The following NBEA variants were observed in gnomAD, a reference collection of about 807,000 sequenced individuals.
NBEA encodes the protein neurobeachin, also known as lysosomal-trafficking regulator 2.
Under a neutral mutation model 343.4 loss-of-function variants are expected in NBEA, and 44 were observed. The observed-to-expected ratio is 0.13, with a 90% CI of 0.10 to 0.16. NBEA has a LOEUF of 0.16. NBEA is among the 10% of genes least tolerant of loss of function. The pLI is 1.00. For missense variants in NBEA, 2,555 were observed against 3,631.3 expected, an observed-to-expected ratio of 0.70 and a Z score of 7.62; for synonymous variants, 1,175 against 1,238.7, an observed-to-expected ratio of 0.95 and a Z score of 1.08.
intron 38 of NBEA, among the ~76,000 whole-genome samples, chr13:35,412,344 CTG>C (rs1236309496): frequency 6.6e-6 from 1 of 152,116 alleles, no homozygotes; most frequent in Non-Finnish European, 1.5e-5. Context: ...TAAATATAGA[CTG>C]TGTCTTTTCA....
chr13:35,214,880 G>A (rs1566470073), intron 33 of NBEA, among the ~76,000 whole-genome samples: 1 of 151,612 alleles, frequency 6.6e-6, no homozygotes, highest in African/African-American at 2.4e-5. Context: ...TCTGTGGTGA[G>A]GTAAAGGTTG....
At chr13:35,523,753 C>G (rs2152994090) in intron 41 of NBEA, among the ~76,000 whole-genome samples, 1 of 152,286 alleles carries the variant, frequency 6.6e-6, no homozygotes, top group South Asian at 2.1e-4. Flanking sequence ...TTTTCTCTCT[C>G]TTTTCAAAAA....
chr13:35,139,744 G>GTTTTTTTTTTT (rs36117821), intron 17 of NBEA, among the ~76,000 whole-genome samples: 8 of 61,116 alleles, frequency 1.3e-4, no homozygotes, highest in Admixed American at 6.1e-4. Context: ...GATGGATGGC[G>GTTTTTTTTTTT]TTTTTTTTTT....
intron 41 of NBEA, among the ~76,000 whole-genome samples, chr13:35,539,869 T>TCCTG (rs1190222963): frequency 8.2e-6 from 1 of 121,804 alleles, no homozygotes; most frequent in Non-Finnish European, 1.6e-5. Context: ...GGAGCCGAGA[T>TCCTG]CCTGCCACTG....
chr13:35,206,378 C>T (rs544892753), intron 31 of NBEA, among the ~76,000 whole-genome samples: 26 of 152,036 alleles, frequency 1.7e-4, no homozygotes, highest in Non-Finnish European at 3.7e-4. Context: ...AAATAAACAT[C>T]TTTGTGTCTG....
intron 1 of NBEA, among the ~76,000 whole-genome samples, chr13:34,953,946 C>T (rs2059418856): frequency 6.6e-6 from 1 of 152,224 alleles, no homozygotes; most frequent in Non-Finnish European, 1.5e-5. Context: ...AGGTTGTGCG[C>T]TCCTTATGAA....
chr13:35,470,707 G>A (rs959519378), intron 40 of NBEA, among the ~76,000 whole-genome samples: 1 of 152,200 alleles, frequency 6.6e-6, no homozygotes, highest in Non-Finnish European at 1.5e-5. Flanking sequence ...GGTTAAGGGA[G>A]CGGTTCGAAC....
intron 17 of NBEA, among the ~76,000 whole-genome samples, chr13:35,125,495 C>A (rs1271027442): frequency 6.6e-6 from 1 of 152,078 alleles, no homozygotes; most frequent in Non-Finnish European, 1.5e-5. Flanking sequence ...AGATATATCA[C>A]AAAGAATTAC....
chr13:34,950,473 C>A (rs1354599373), intron 1 of NBEA, among the ~76,000 whole-genome samples: 1 of 150,746 alleles, frequency 6.6e-6, no homozygotes, highest in Non-Finnish European at 1.5e-5. Context: ...CATTTGTGCC[C>A]CAATATTCTA....
chr13:35,453,160 T>C (rs2046390034), intron 40 of NBEA, among the ~76,000 whole-genome samples: 3 of 152,214 alleles, frequency 2.0e-5, no homozygotes, highest in Admixed American at 1.3e-4. Context: ...TGAAAGTCTC[T>C]AGTGATTTCT....
chr13:35,198,464 T>C (rs973672355), intron 31 of NBEA, among the ~76,000 whole-genome samples: 5 of 152,026 alleles, frequency 3.3e-5, no homozygotes, highest in African/African-American at 1.2e-4. Context: ...TTAGAATGAG[T>C]TTTTTAATTA....
At chr13:35,037,209 G>T (rs1452275738) in intron 1 of NBEA, among the ~76,000 whole-genome samples, 1 of 152,022 alleles carries the variant, frequency 6.6e-6, no homozygotes, top group Non-Finnish European at 1.5e-5. Context: ...TATGCCAATT[G>T]CATTTTTGAA....
chr13:35,614,847 G>A (rs1448663759), intron 48 of NBEA, among the ~76,000 whole-genome samples: 1 of 152,010 alleles, frequency 6.6e-6, no homozygotes, highest in Admixed American at 6.6e-5. Context: ...AAATCAGAAT[G>A]GATACCCTAA....
chr13:35,672,253 G>A lies in NBEA; in HGVS notation c.*1262G>A, dbSNP rs1208364165. On this transcript the variant is annotated 3_prime_UTR_variant, in exon 59 of 59. Transcript: ENST00000379939. The stretch of plus-strand genomic sequence containing the variant: ...ATAGATGTACATATTGTGTCGGTAG[G>A]GCTATGAGGCATGTTACAGGAATGT... 1.3e-5 allele frequency: 2 copies of A among 152,476 alleles called. No individual in the cohort carries two copies. The highest frequency in any genetic ancestry group is 4.8e-5 in the African/African-American group (2 of 41,396). The allele number at this position is 152,476 out of a possible 1,614,324, so 9.4% of individuals were successfully genotyped here.
At chr13:35,288,500 A>G (rs548857867) in intron 34 of NBEA, among the ~76,000 whole-genome samples, 5 of 152,040 alleles carry the variant, frequency 3.3e-5, no homozygotes, top group South Asian at 2.1e-4. Flanking sequence ...GCAAATTGCA[A>G]TTTTGTTATT....
chr13:35,419,788 T>C (rs1000252983), intron 38 of NBEA, among the ~76,000 whole-genome samples: 16 of 151,330 alleles, frequency 1.1e-4, no homozygotes, highest in African/African-American at 3.9e-4. Flanking sequence ...GAGATAGATA[T>C]CAGAAGGACC....
At chr13:35,585,896 G>A (rs1163292484) in intron 46 of NBEA, among the ~76,000 whole-genome samples, 1 of 152,084 alleles carries the variant, frequency 6.6e-6, no homozygotes, top group African/African-American at 2.4e-5. Flanking sequence ...TCTGTATACT[G>A]TGGCACTTTC....
chr13:35,117,329 A>G, intron 13 of NBEA, 85 bp from the exon 14 acceptor site: 1 of 523,278 alleles, frequency 1.9e-6, no homozygotes. Flanking sequence ...TTATTCAAGA[A>G]TGCCATAGTA....
At chr13:35,476,809 A>T (rs1322712633) in intron 41 of NBEA, 2 of 1,024,516 alleles carry the variant, frequency 2.0e-6, no homozygotes, top group Non-Finnish European at 2.4e-6. Flanking sequence ...ATTAATCCCC[A>T]CTCATGGATA....
Sources: gnomAD v4.1 joint callset for allele counts (sites outside exome capture counted in the v4.1 genomes callset) on GRCh38, gnomAD v4.1.1 for gene constraint, MANE v1.5 for transcripts, NCBI Gene and HGNC (gene_info 2026-07-23, HGNC 2026-07-21) for gene names.